RGL1: variants seen among roughly 807,000 people sequenced by gnomAD.
The protein encoded by RGL1 is ral guanine nucleotide dissociation stimulator like 1, also known as ral guanine nucleotide dissociation stimulator-like 1.
In RGL1, 24 loss-of-function variants were observed where a neutral mutation model predicts 95.2. That is an observed-to-expected ratio of 0.25 (90% CI 0.18 to 0.35). RGL1 has a LOEUF of 0.35. Ranked by LOEUF, RGL1 falls within the 10% of genes least tolerant of loss-of-function variation. RGL1 has a pLI of 1.00. For synonymous variants in RGL1, 329 were observed against 344.9 expected, an observed-to-expected ratio of 0.95 and a Z score of 0.51; for missense variants, 715 against 936.3, an observed-to-expected ratio of 0.76 and a Z score of 3.08.
At chr1:183,765,276 C>T (rs1406956736) in intron 2 of RGL1, among the ~76,000 whole-genome samples, 1 of 152,154 alleles carries the variant, frequency 6.6e-6, no homozygotes, top group Non-Finnish European at 1.5e-5. Context: ...ATAACCAGTG[C>T]CTCCAATTGT....
intron 2 of RGL1, among the ~76,000 whole-genome samples, chr1:183,763,264 G>T (rs1395401073): frequency 6.6e-6 from 1 of 152,114 alleles, no homozygotes; most frequent in African/African-American, 2.4e-5. Context: ...GGGAGAAATA[G>T]CATTAGGAGA....
intron 2 of RGL1, among the ~76,000 whole-genome samples, chr1:183,817,165 C>G (rs905263961): frequency 2.0e-5 from 3 of 152,150 alleles, no homozygotes; most frequent in African/African-American, 7.2e-5. Context: ...AGCCAAATCC[C>G]GATGTAGGAC....
chr1:183,673,898 C>T (rs140756799), intron 1 of RGL1, among the ~76,000 whole-genome samples: 247 of 152,262 alleles, frequency 1.6e-3, no homozygotes, highest in Admixed American at 2.2e-3. Flanking sequence ...GTATGTGTTC[C>T]TTCACCCTGC....
chr1:183,691,806 A>G (rs553045060), intron 1 of RGL1, among the ~76,000 whole-genome samples: 46 of 152,274 alleles, frequency 3.0e-4, no homozygotes, highest in Middle Eastern at 6.8e-3. Context: ...AACCTGAAAT[A>G]TGCATAACTA....
chr1:183,765,623 A>G (rs1454067897), intron 2 of RGL1, among the ~76,000 whole-genome samples: 1 of 152,198 alleles, frequency 6.6e-6, no homozygotes, highest in Non-Finnish European at 1.5e-5. Flanking sequence ...CAGCCTTTCA[A>G]TTAGTGTTCT....
At chr1:183,862,081 C>T (rs1665544939) in intron 3 of RGL1, among the ~76,000 whole-genome samples, 1 of 152,052 alleles carries the variant, frequency 6.6e-6, no homozygotes, top group African/African-American at 2.4e-5. Flanking sequence ...TTGGCTTATG[C>T]CTGTAATCCC....
At chr1:183,661,047 C>T (rs919718073) in intron 1 of RGL1, among the ~76,000 whole-genome samples, 7 of 152,032 alleles carry the variant, frequency 4.6e-5, no homozygotes, top group African/African-American at 1.4e-4. Flanking sequence ...CTCTGGGACA[C>T]ATTCAAAGCA....
intron 9 of RGL1, among the ~76,000 whole-genome samples, chr1:183,894,589 C>G (rs1043825130): frequency 3.9e-5 from 6 of 152,010 alleles, no homozygotes; most frequent in Non-Finnish European, 8.8e-5. Context: ...TCACAAGGTA[C>G]TTAGTTTCTC....
intron 9 of RGL1, among the ~76,000 whole-genome samples, chr1:183,894,347 A>AC (rs1452695357): frequency 3.3e-5 from 5 of 152,142 alleles, no homozygotes; most frequent in Non-Finnish European, 7.3e-5. Flanking sequence ...TGCAGAAGTT[A>AC]CCCCCCGTAC....
At position 183,907,057 on chromosome 1, in the gene RGL1, C is replaced by T. The variant is rs144273960; in HGVS notation, c.1518C>T (p.Thr506=). 1.9e-6 allele frequency: 3 copies of T among 1,612,358 alleles called. No individual in the cohort carries two copies. In the African/African-American group the frequency reaches 4.0e-5, roughly 22 times the overall value. The change falls in exon 14 of 18, where the codon ACC becomes ACT. Residue 506 remains threonine, a synonymous_variant. Coordinates refer to ENST00000360851, the MANE Select transcript of RGL1 (RefSeq NM_001297671.3). The part of the protein sequence containing the change: ...CEIEAAADAS[T]TSPKPRKSMV... ...TTGAAGCAGCTGCTGACGCCAGCAC[C>T]ACCTCGCCCAAGCCTCGGAAGAGCA...
intron 9 of RGL1, 56 bp downstream of exon 9, chr1:183,892,217 C>A: frequency 1.5e-6 from 2 of 1,307,510 alleles, no homozygotes; most frequent in Non-Finnish European, 1.1e-6. Context: ...GGAATCCATT[C>A]AAGGAAGAGT....
rs76030420 is a variant in RGL1 at position 183,757,301 on chromosome 1, G to C, written c.132+15012G>C. 2.9e-3 allele frequency among the ~76,000 whole-genome samples: 443 copies of C among 152,280 alleles called. 4 individuals are homozygous for C. The highest frequency in any genetic ancestry group is 0.01 in the African/African-American group (426 of 41,552). On this transcript the variant is annotated intron_variant, in intron 2 of 18. Transcript: ENST00000304685. ...AAGTGTTCATCATGCATGCTTTGGA[G>C]ATTAAATCATACACATCTGAGAGAC...
intron 4 of RGL1, among the ~76,000 whole-genome samples, chr1:183,867,940 A>G (rs373880293): frequency 1.3e-5 from 2 of 152,192 alleles, no homozygotes; most frequent in Admixed American, 6.5e-5. Flanking sequence ...GGTTCCATGT[A>G]GTTTTACAGT....
chr1:183,795,291 A>G (rs539734229), intron 2 of RGL1, among the ~76,000 whole-genome samples: 6 of 152,390 alleles, frequency 3.9e-5, no homozygotes, highest in Admixed American at 1.3e-4. Context: ...GACATTACCC[A>G]TGCTTTGATA....
intron 2 of RGL1, 111 bp downstream of exon 2, chr1:183,806,596 T>G (rs1661355372): frequency 4.2e-6 from 3 of 722,512 alleles, no homozygotes; most frequent in Non-Finnish European, 6.9e-6. Context: ...CTTTTCGCTT[T>G]AAAAAGGAAA....
rs184146366 is a variant in RGL1, at chr1:183,774,202, C to T, written c.132+31913C>T. Among the ~76,000 whole-genome samples, 220 of 152,286 alleles carry T rather than the reference C, an allele frequency of 1.4e-3. 1 individual carries two copies. Among genetic ancestry groups the T allele is most frequent in the Non-Finnish European group, 2.1e-3 (142 of 68,040 alleles). On this transcript the variant is annotated intron_variant, in intron 2 of 18. Coordinates refer to the RGL1 transcript ENST00000304685. Reference sequence around the variant, plus strand: ...TGCAGGGACCACAGGGAAGAAAGTGCAGAGGCTTCACTGTCCCAGACCTGA... The same window carrying T: ...TGCAGGGACCACAGGGAAGAAAGTGTAGAGGCTTCACTGTCCCAGACCTGA...
chr1:183,890,442 T>C (rs1056965345), intron 8 of RGL1, among the ~76,000 whole-genome samples: 2 of 152,206 alleles, frequency 1.3e-5, no homozygotes, highest in Non-Finnish European at 1.5e-5. Context: ...CTGTGTAACA[T>C]ATGTTTCTGG....
chr1:183,909,201 A>G (rs1355450270), intron 14 of RGL1, among the ~76,000 whole-genome samples: 1 of 152,158 alleles, frequency 6.6e-6, no homozygotes, highest in African/African-American at 2.4e-5. Flanking sequence ...GCATACCATT[A>G]TTTTTCAAAA....
chr1:183,816,745 A>T (rs1362457626), intron 2 of RGL1, among the ~76,000 whole-genome samples: 1 of 152,128 alleles, frequency 6.6e-6, no homozygotes, highest in African/African-American at 2.4e-5. Flanking sequence ...TCTGTTTATT[A>T]GTCTTGCCTT....
Sources: gnomAD v4.1 joint callset for allele counts (sites outside exome capture counted in the v4.1 genomes callset) on GRCh38, gnomAD v4.1.1 for gene constraint, MANE v1.5 for transcripts, NCBI Gene and HGNC (gene_info 2026-07-23, HGNC 2026-07-21) for gene names.